Variants in VPS35L observed in about 807,000 individuals in gnomAD.
The protein encoded by VPS35L is VPS35 endosomal protein sorting factor like, also known as VPS35 endosomal protein-sorting factor-like.
Under a neutral mutation model 133.0 loss-of-function variants are expected in VPS35L, and 83 were observed. The ratio of observed to expected loss-of-function variants is 0.62; its 90% CI spans 0.52 to 0.75. VPS35L has a LOEUF of 0.75. Among genes scored for constraint, VPS35L ranks in the 30% least tolerant of loss-of-function variants. The pLI, the probability that VPS35L is intolerant of heterozygous loss-of-function variation, is 0.00. For synonymous variants in VPS35L, 423 were observed against 449.9 expected (o/e 0.94, Z 0.76); for missense variants, 1,083 against 1,206.8 (o/e 0.90, Z 1.52).
intron 9 of VPS35L, among the ~76,000 whole-genome samples, chr16:19,604,619 A>T (rs529173034): frequency 2.4e-4 from 37 of 152,288 alleles, no homozygotes; most frequent in Non-Finnish European, 5.0e-4. Context: ...GTTGTTGGTG[A>T]TCTGAGGAAT....
At chr16:19,584,643 A>AG (rs1489116321) in intron 7 of VPS35L, among the ~76,000 whole-genome samples, 1 of 151,328 alleles carries the variant, frequency 6.6e-6, no homozygotes, top group African/African-American at 2.4e-5. Flanking sequence ...AAAAAAAAAA[A>AG]AGAGTTTCCT....
At chr16:19,569,932 G>T (rs1971310211) in intron 3 of VPS35L, among the ~76,000 whole-genome samples, 1 of 152,148 alleles carries the variant, frequency 6.6e-6, no homozygotes, top group African/African-American at 2.4e-5. Context: ...GCCTCCTAAA[G>T]CTTCTTCCCC....
intron 29 of VPS35L, among the ~76,000 whole-genome samples, chr16:19,692,064 G>T (rs995105254): frequency 2.6e-5 from 4 of 152,080 alleles, no homozygotes; most frequent in Non-Finnish European, 4.4e-5. Context: ...TTTTAGTAGA[G>T]ATGGGGTTTC....
intron 1 of VPS35L, among the ~76,000 whole-genome samples, chr16:19,561,047 T>G (rs1200280550): frequency 6.6e-6 from 1 of 151,860 alleles, no homozygotes; most frequent in Non-Finnish European, 1.5e-5. Context: ...CTAGGCAAAT[T>G]ATCGTGAAAG....
In VPS35L at chr16:19,665,718, G is replaced by A. The variant is rs140775636; in HGVS notation, c.2222-3442G>A. Among the ~76,000 whole-genome samples the A allele has an allele frequency of 5.0e-3, 767 of 152,220 alleles. 14 individuals are homozygous for A. The highest frequency in any genetic ancestry group is 0.041 in the South Asian group (196 of 4,824). ...CAGTGGTGGGATTGCTGGATCCTAT[G>A]GTAGCTCTATTTTTAGCTTTTTCAG... On this transcript the variant is annotated intron_variant, in intron 26 of 30. Coordinates refer to ENST00000417362, the MANE Select transcript of VPS35L (RefSeq NM_020314.7).
chr16:19,669,092 C>T (rs957675), intron 26 of VPS35L, 68 bp from the exon 27 acceptor site: 384,134 of 1,507,702 alleles, frequency 0.25, 52,159 homozygotes, highest in Non-Finnish European at 0.28. Context: ...CTTCAGGCCA[C>T]GTGAAGAAGA....
At chr16:19,660,299 G>A (rs1974440474) in intron 26 of VPS35L, among the ~76,000 whole-genome samples, 1 of 151,498 alleles carries the variant, frequency 6.6e-6, no homozygotes, top group South Asian at 2.1e-4. Context: ...CTGCACTCCA[G>A]CCTGGGCAAC....
At chr16:19,666,495 C>T (rs529947387) in intron 26 of VPS35L, among the ~76,000 whole-genome samples, 2 of 152,222 alleles carry the variant, frequency 1.3e-5, no homozygotes, top group Admixed American at 6.5e-5. Flanking sequence ...CTATATGGGG[C>T]AAGTCTTCTG....
chr16:19,597,034 C>CCAA (rs968851192), intron 8 of VPS35L, among the ~76,000 whole-genome samples: 16 of 150,032 alleles, frequency 1.1e-4, no homozygotes, highest in South Asian at 4.2e-4. Context: ...AACAATCAAA[C>CCAA]CAACAACAAC....
chr16:19,684,065 T>TGGG (rs1035669884), intron 28 of VPS35L, among the ~76,000 whole-genome samples: 7 of 152,192 alleles, frequency 4.6e-5, no homozygotes, highest in African/African-American at 1.7e-4. Flanking sequence ...GACCCTGGTG[T>TGGG]GGGTGTTTGC....
chr16:19,623,536 A>C (rs1973150754), intron 14 of VPS35L, among the ~76,000 whole-genome samples: 1 of 152,034 alleles, frequency 6.6e-6, no homozygotes, highest in African/African-American at 2.4e-5. Flanking sequence ...AAGCCAACCT[A>C]GTTTATGTGA....
Position 19,642,399 on chromosome 16 carries a change from TCAA to T in VPS35L, c.1792_1794del (p.Gln598del). On this transcript the variant is annotated inframe_deletion, in exon 22 of 31. Transcript: ENST00000417362. ...TTTATCTTTAAATGTCTCCTAGGCATCAACAAGAGCCCACCAAGGACCCGGTCA... is the reference window on the plus strand; with the variant it reads ...TTTATCTTTAAATGTCTCCTAGGCATCAAGAGCCCACCAAGGACCCGGTCA... The T allele has an allele frequency of 6.2e-7, 1 of 1,613,620 alleles. No individual in the cohort carries two copies. The highest frequency in any genetic ancestry group is 8.5e-7 in the Non-Finnish European group (1 of 1,179,642).
intron 22 of VPS35L, among the ~76,000 whole-genome samples, chr16:19,644,108 A>T (rs1467935249): frequency 6.6e-6 from 1 of 152,030 alleles, no homozygotes; most frequent in South Asian, 2.1e-4. Flanking sequence ...TTTTTTTTTT[A>T]AATAACTTTG....
chr16:19,555,863 C>T (rs754312881), intron 1 of VPS35L, 117 bp downstream of exon 1: 16 of 1,397,830 alleles, frequency 1.1e-5, no homozygotes, highest in Admixed American at 2.5e-5. Context: ...CGACCGGCCA[C>T]CCCCAAGTTG....
Position 19,698,845 on chromosome 16 carries a change from T to C in VPS35L, c.2647-657T>C, listed in dbSNP as rs144129921. 2.0e-5 allele frequency among the ~76,000 whole-genome samples: 3 copies of C among 152,322 alleles called. No homozygotes were observed. The East Asian group carries it at 5.8e-4, about 29-fold the overall frequency. ...GTATCCTCTCTCCTGGGCCTGGTGT[T>C]GCATTCTGGAGATTTATTTTCCCTT... On this transcript the variant is annotated intron_variant, in intron 29 of 30. Transcript: ENST00000417362.
intron 26 of VPS35L, among the ~76,000 whole-genome samples, chr16:19,662,662 C>A (rs897385478): frequency 1.6e-4 from 18 of 115,188 alleles, no homozygotes; most frequent in Admixed American, 1.1e-3. Context: ...TTAGATAAAA[C>A]CCCCCACATT....
chr16:19,602,696 G>A (rs116989309), intron 9 of VPS35L, among the ~76,000 whole-genome samples: 4,605 of 152,148 alleles, frequency 0.03, 84 homozygotes, highest in Non-Finnish European at 0.044. Flanking sequence ...TTCGCCTCCC[G>A]GATTCAAGCG....
chr16:19,689,796 A>G (rs2078936), intron 28 of VPS35L, among the ~76,000 whole-genome samples: 66,295 of 151,964 alleles, frequency 0.44, 15,576 homozygotes, highest in African/African-American at 0.61. Flanking sequence ...AAAGCATAAT[A>G]TATATAGGAT....
chr16:19,681,613 A>C (rs1975282380), intron 27 of VPS35L, among the ~76,000 whole-genome samples: 1 of 152,192 alleles, frequency 6.6e-6, no homozygotes, highest in Non-Finnish European at 1.5e-5. Context: ...TTACACCCCA[A>C]AACTTTTTAT....
Sources: allele counts gnomAD v4.1 joint callset (sites outside exome capture counted in the v4.1 genomes callset), GRCh38; gene constraint gnomAD v4.1.1; transcripts MANE v1.5; gene names NCBI Gene and HGNC (gene_info 2026-07-23, HGNC 2026-07-21).